ENOX2: variants seen among roughly 807,000 people sequenced by gnomAD.
The protein encoded by ENOX2 is ecto-NOX disulfide-thiol exchanger 2.
Under a neutral mutation model 45.0 loss-of-function variants are expected in ENOX2, and 36 were observed. That is an observed-to-expected ratio of 0.80 (90% CI 0.61 to 1.06). The LOEUF is 1.06. Ranked by LOEUF, ENOX2 falls within the 50% of genes least tolerant of loss-of-function variation. The pLI, the probability that ENOX2 is intolerant of heterozygous loss-of-function variation, is 0.00. For synonymous variants in ENOX2, 174 were observed against 152.3 expected (o/e 1.14, Z -1.05); for missense variants, 423 against 462.5 (o/e 0.91, Z 0.78).
At chrX:130,742,108 C>T (rs955834833) in intron 3 of ENOX2, among the ~76,000 whole-genome samples, 16 of 110,790 alleles carry the variant, frequency 1.4e-4, no homozygotes, top group African/African-American at 4.6e-4. Flanking sequence ...ATTCTAAAAA[C>T]GACAGCTTGC....
chrX:130,682,583 CAAAAAAAAAAAAAAA>C (rs55875735), intron 5 of ENOX2, among the ~76,000 whole-genome samples: 58 of 14,665 alleles, frequency 4.0e-3, no homozygotes, highest in African/African-American at 1.0e-2. Context: ...GACTCCGTCT[CAAAAAAAAAAAAAAA>C]AAAAAAAAAA....
At chrX:130,633,325 G>C (rs186154497) in intron 12 of ENOX2, among the ~76,000 whole-genome samples, 2 of 112,537 alleles carry the variant, frequency 1.8e-5, no homozygotes, top group African/African-American at 6.4e-5. Context: ...GCAGTCTAAT[G>C]TGATGGTACT....
At chrX:130,686,310 C>T (rs2037447838) in intron 5 of ENOX2, among the ~76,000 whole-genome samples, 1 of 110,449 alleles carries the variant, frequency 9.1e-6, no homozygotes, top group African/African-American at 3.3e-5. Flanking sequence ...AGTGAGTTAC[C>T]GTGAGATATG....
At chrX:130,634,376 A>G (rs2035871299) in intron 12 of ENOX2, among the ~76,000 whole-genome samples, 1 of 111,788 alleles carries the variant, frequency 8.9e-6, no homozygotes, top group African/African-American at 3.3e-5. Context: ...ACATGATTCT[A>G]TCCAGATATT....
intron 3 of ENOX2, 78 bp from the exon 4 acceptor site, chrX:130,703,332 G>A: frequency 1.0e-6 from 1 of 978,332 alleles, no homozygotes. Context: ...ATAAATTCTG[G>A]CAAACTGTTT....
At chrX:130,630,185 C>T (rs2035657357) in intron 13 of ENOX2, among the ~76,000 whole-genome samples, 1 of 111,116 alleles carries the variant, frequency 9.0e-6, no homozygotes. Context: ...GCATGGACCT[C>T]ATCAAAGCCC....
rs986778132 is a variant in ENOX2 at position 130,716,513 on chromosome X, C to T, written c.-38-13259G>A. Among the ~76,000 whole-genome samples, 3 of 111,941 alleles carry T rather than the reference C, an allele frequency of 2.7e-5. No homozygotes were observed. The Admixed American group carries it at 2.8e-4, about 11-fold the overall frequency. Reference sequence around the variant, plus strand: ...TTACTTAGTGTTGTAGCTCAATTATCCATGACAAGATTGGAAAGCAAGGGG... The same window carrying T: ...TTACTTAGTGTTGTAGCTCAATTATTCATGACAAGATTGGAAAGCAAGGGG... On this transcript the variant is annotated intron_variant, in intron 3 of 14. Transcript: ENST00000394363.
chrX:130,812,339 G>A (rs747887051), intron 2 of ENOX2, among the ~76,000 whole-genome samples: 1 of 111,856 alleles, frequency 8.9e-6, no homozygotes, highest in Admixed American at 9.5e-5. Flanking sequence ...TCACATATAA[G>A]GGAAATTCAG....
intron 5 of ENOX2, among the ~76,000 whole-genome samples, chrX:130,681,973 C>A (rs2037314043): frequency 9.2e-6 from 1 of 108,768 alleles, no homozygotes; most frequent in Admixed American, 9.9e-5. Context: ...ATAGAGAAAT[C>A]TACAGCTATG....
chrX:130,685,008 G>C (rs2148169695), intron 5 of ENOX2, among the ~76,000 whole-genome samples: 1 of 111,834 alleles, frequency 8.9e-6, no homozygotes, highest in East Asian at 2.8e-4. Context: ...AGGTAAATAG[G>C]ATTGGGACTG....
chrX:130,724,611 G>C (rs1388911714), intron 3 of ENOX2, among the ~76,000 whole-genome samples: 1 of 112,592 alleles, frequency 8.9e-6, no homozygotes, highest in Non-Finnish European at 1.9e-5. Context: ...CTTGGAACTT[G>C]CAAATAAAGA....
intron 9 of ENOX2, among the ~76,000 whole-genome samples, chrX:130,659,019 T>G (rs2036616379): frequency 8.9e-6 from 1 of 112,142 alleles, no homozygotes; most frequent in African/African-American, 3.2e-5. Context: ...ACTGTGCATT[T>G]TGAAGCAGCT....
At chrX:130,885,777 T>G (rs966352795) in intron 2 of ENOX2, among the ~76,000 whole-genome samples, 1 of 112,297 alleles carries the variant, frequency 8.9e-6, no homozygotes, top group African/African-American at 3.2e-5. Flanking sequence ...CTTAAACCAG[T>G]AACACTGGTC....
chrX:130,649,533 A>G (rs1015255619), intron 10 of ENOX2, among the ~76,000 whole-genome samples: 3 of 111,749 alleles, frequency 2.7e-5, no homozygotes, highest in African/African-American at 9.8e-5. Flanking sequence ...ATCTTCTACT[A>G]GTGTTGTTGA....
intron 3 of ENOX2, among the ~76,000 whole-genome samples, chrX:130,726,966 C>T (rs1296765078): frequency 5.3e-5 from 6 of 112,300 alleles, no homozygotes; most frequent in Admixed American, 9.4e-5. Context: ...GAGCAGCAGG[C>T]AGTCAGATGG....
At chrX:130,808,292 T>C (rs2077338168) in intron 2 of ENOX2, among the ~76,000 whole-genome samples, 1 of 112,117 alleles carries the variant, frequency 8.9e-6, no homozygotes, top group Non-Finnish European at 1.9e-5. Context: ...GGAAGTACAT[T>C]AGGTATGTTA....
intron 2 of ENOX2, among the ~76,000 whole-genome samples, chrX:130,823,461 T>C (rs1336024109): frequency 1.8e-5 from 2 of 111,401 alleles, no homozygotes; most frequent in African/African-American, 3.3e-5. Context: ...GGAGGCAGCA[T>C]GCAAAAGACA....
At chrX:130,900,027 G>A (rs1001973245) in intron 2 of ENOX2, among the ~76,000 whole-genome samples, 1 of 111,901 alleles carries the variant, frequency 8.9e-6, no homozygotes, top group African/African-American at 3.2e-5. Flanking sequence ...TTGTCTCTCT[G>A]TGGAACAGAG....
chrX:130,632,625 T>C (rs1483275384), intron 12 of ENOX2, among the ~76,000 whole-genome samples: 1 of 112,041 alleles, frequency 8.9e-6, no homozygotes, highest in Non-Finnish European at 1.9e-5. Context: ...GCATTTTCAC[T>C]TCTTCTCTTT....
Sources: allele counts gnomAD v4.1 joint callset (sites outside exome capture counted in the v4.1 genomes callset), GRCh38; gene constraint gnomAD v4.1.1; transcripts MANE v1.5; gene names NCBI Gene and HGNC (gene_info 2026-07-23, HGNC 2026-07-21).